UGT2B15: variants seen among roughly 807,000 people sequenced by gnomAD.
UGT2B15 encodes the protein UDP-glucuronosyltransferase 2B15.
In UGT2B15, 36 loss-of-function variants were observed where a neutral mutation model predicts 45.9. That is an observed-to-expected ratio of 0.78 (90% CI 0.60 to 1.04). The LOEUF (loss-of-function observed/expected upper bound fraction) is 1.04, where lower values mean the gene tolerates loss of function less well. UGT2B15 is among the 50% of genes least tolerant of loss of function. UGT2B15 has a pLI of 0.00. For missense variants in UGT2B15, 617 were observed against 622.4 expected (o/e 0.99, Z 0.09); for synonymous variants, 219 against 216.4 (o/e 1.01, Z -0.11).
intron 5 of UGT2B15, among the ~76,000 whole-genome samples, chr4:68,650,523 A>G (rs752427620): frequency 1.3e-5 from 2 of 152,042 alleles, no homozygotes; most frequent in South Asian, 2.1e-4. Context: ...TACATGTATC[A>G]TATTTTCTTT....
chr4:68,663,372 A>C (rs961507858), intron 2 of UGT2B15, among the ~76,000 whole-genome samples: 18 of 152,070 alleles, frequency 1.2e-4, no homozygotes, highest in Non-Finnish European at 1.3e-4. Context: ...TGTGTGTGTA[A>C]GGAGGAAATG....
intron 5 of UGT2B15, among the ~76,000 whole-genome samples, chr4:68,652,554 C>T (rs569723416): frequency 2.1e-4 from 32 of 151,386 alleles, no homozygotes; most frequent in African/African-American, 7.7e-4. Flanking sequence ...ACCACCTAAC[C>T]TCATAATAAT....
chr4:68,664,185 T>C (rs879775382), intron 2 of UGT2B15, among the ~76,000 whole-genome samples: 3 of 151,754 alleles, frequency 2.0e-5, no homozygotes, highest in South Asian at 2.1e-4. Context: ...AGAATTATTC[T>C]GACTTGTGTT....
intron 3 of UGT2B15, among the ~76,000 whole-genome samples, chr4:68,655,412 T>C (rs1732775650): frequency 1.3e-5 from 2 of 152,086 alleles, no homozygotes; most frequent in African/African-American, 4.8e-5. Flanking sequence ...ATAATGACAT[T>C]TCTAACATAA....
At position 68,668,073 on chromosome 4, in the gene UGT2B15, T is replaced by A. The variant is rs1394009383; in HGVS notation, c.840A>T (p.Gly280=). 6.2e-7 allele frequency: 1 copy of A among 1,613,958 alleles called. No individual in the cohort carries two copies. Among genetic ancestry groups the A allele is most frequent in the Non-Finnish European group, 8.5e-7 (1 of 1,179,918 alleles). The change falls in exon 2 of 6, where the codon GGA becomes GGT. Residue 280 remains glycine (G), a synonymous_variant. Transcript: ENST00000338206. ...PFLPNVDFVG[G]LHCKPAKPLP... is the part of the protein sequence containing the mutation. The stretch of plus-strand genomic sequence containing the variant: ...GGGGTTTGGCTGGTTTACAGTGAAG[T>A]CCTCCAACAAAATCAACATTTGGTA...
At chr4:68,660,803 C>T (rs200618828) in intron 3 of UGT2B15, among the ~76,000 whole-genome samples, 20,755 of 150,452 alleles carry the variant, frequency 0.14, 1,897 homozygotes, top group East Asian at 0.29. Context: ...TAAACTAAGT[C>T]ATGCTTTCAT....
intron 3 of UGT2B15, among the ~76,000 whole-genome samples, chr4:68,661,359 G>A (rs991988976): frequency 2.0e-5 from 3 of 151,992 alleles, no homozygotes; most frequent in African/African-American, 7.2e-5. Flanking sequence ...AATGTACTGA[G>A]ACCTGTATCA....
At chr4:68,666,752 A>ATATATT (rs1553925091) in intron 2 of UGT2B15, among the ~76,000 whole-genome samples, 5 of 127,892 alleles carry the variant, frequency 3.9e-5, no homozygotes, top group African/African-American at 1.2e-4. Flanking sequence ...ATATATATAT[A>ATATATT]TTTTTTTTTT....
chr4:68,670,250 G>A lies in UGT2B15; in HGVS notation c.369C>T (p.Tyr123=), dbSNP rs141652131. Residue 123 remains tyrosine (Y), a synonymous_variant, in exon 1 of 6, where the codon TAC becomes TAT. Coordinates refer to ENST00000338206, the MANE Select transcript of UGT2B15 (RefSeq NM_001076.4). Reference sequence around the variant, plus strand: ...CTGCATCTTTACAGAGCTTGTTACTGTAGTCATAATATTCCCAACACAATT... The same window carrying A: ...CTGCATCTTTACAGAGCTTGTTACTATAGTCATAATATTCCCAACACAATT... ...LQELCWEYYD[Y]SNKLCKDAVL... is the part of the protein sequence containing the mutation. 26 of 1,613,792 alleles carry A rather than the reference G, an allele frequency of 1.6e-5. No homozygotes were observed. Among genetic ancestry groups the A allele is most frequent in the Non-Finnish European group, 2.0e-5 (24 of 1,179,976 alleles).
In UGT2B15 at chr4:68,647,239, C is replaced by A; in HGVS notation, c.1458G>T (p.Trp486Cys). The A allele has an allele frequency of 6.2e-7, 1 of 1,613,962 alleles. No individual in the cohort carries two copies. The highest frequency in any genetic ancestry group is 1.7e-5 in the Admixed American group (1 of 60,002). ...HLRVAAHNLT[W>C]IQYHSLDVIA... ...TCACATCCAAAGAGTGGTACTGGAT[C>A]CAGGTGAGGTTGTGAGCTGCGACTC... The change falls in exon 6 of 6, where the codon TGG becomes TGT. Residue 486 changes from tryptophan (W) to cysteine (C), a missense_variant. Transcript: ENST00000338206.
intron 3 of UGT2B15, among the ~76,000 whole-genome samples, chr4:68,655,717 T>C (rs1233637929): frequency 3.3e-5 from 5 of 152,096 alleles, no homozygotes; most frequent in Admixed American, 6.6e-5. Context: ...GAACAAATGT[T>C]CATCTTATAT....
intron 3 of UGT2B15, among the ~76,000 whole-genome samples, chr4:68,662,516 C>A (rs1370508310): frequency 1.4e-5 from 2 of 145,138 alleles, no homozygotes; most frequent in Admixed American, 7.1e-5. Context: ...TATTCCAATA[C>A]ATGGGAAGTA....
intron 2 of UGT2B15, among the ~76,000 whole-genome samples, chr4:68,666,143 A>G (rs1315172131): frequency 6.6e-6 from 1 of 152,142 alleles, no homozygotes; most frequent in Non-Finnish European, 1.5e-5. Context: ...TGAGAATAAG[A>G]TAAGAGTACA....
chr4:68,653,368 G>A (rs1173058163), intron 5 of UGT2B15, among the ~76,000 whole-genome samples: 1 of 151,886 alleles, frequency 6.6e-6, no homozygotes, highest in African/African-American at 2.4e-5. Context: ...ATTATGCTAA[G>A]TGAAAGAAGT....
chr4:68,666,750 A>ATTTTTTTTTT (rs1327859346), intron 2 of UGT2B15, among the ~76,000 whole-genome samples: 2 of 120,610 alleles, frequency 1.7e-5, no homozygotes, highest in African/African-American at 6.0e-5. Context: ...ATATATATAT[A>ATTTTTTTTTT]TATTTTTTTT....
chr4:68,670,315 A>T lies in UGT2B15; in HGVS notation c.304T>A (p.Ser102Thr), dbSNP rs776440828. ...AAATATGACCAAAATGTATTTTTTG[A>T]AACACCATATATCCATCTATCGAGA... ...KILDRWIYGV[S>T]KNTFWSYFSQ... is the part of the protein sequence containing the mutation. Residue 102 changes from serine (S) to threonine (T), a missense_variant, in exon 1 of 6, where the codon TCA becomes ACA. Coordinates refer to ENST00000338206, the MANE Select transcript of UGT2B15 (RefSeq NM_001076.4). 2 of 1,614,056 alleles carry T rather than the reference A, an allele frequency of 1.2e-6. No homozygotes were observed. The highest frequency in any genetic ancestry group is 1.1e-5 in the South Asian group (1 of 91,056).
At chr4:68,653,754 T>C (rs1474030260) in intron 5 of UGT2B15, among the ~76,000 whole-genome samples, 2 of 152,068 alleles carry the variant, frequency 1.3e-5, no homozygotes, top group African/African-American at 2.4e-5. Context: ...TTCTTTCTTT[T>C]CATTGTGCAT....
chr4:68,669,119 C>T (rs535893128), intron 1 of UGT2B15, among the ~76,000 whole-genome samples: 13 of 151,832 alleles, frequency 8.6e-5, no homozygotes, highest in Admixed American at 3.3e-4. Flanking sequence ...CTTGGTTCAT[C>T]TTAAGATCTT....
intron 2 of UGT2B15, among the ~76,000 whole-genome samples, chr4:68,667,661 A>C (rs1733180052): frequency 6.6e-6 from 1 of 152,156 alleles, no homozygotes; most frequent in African/African-American, 2.4e-5. Flanking sequence ...TATCTTTCAA[A>C]GTACAATGTA....
Sources: gnomAD v4.1 joint callset for allele counts (sites outside exome capture counted in the v4.1 genomes callset) on GRCh38, gnomAD v4.1.1 for gene constraint, MANE v1.5 for transcripts, NCBI Gene and HGNC (gene_info 2026-07-23, HGNC 2026-07-21) for gene names.